The following SPTB variants were observed in gnomAD, a reference collection of about 807,000 sequenced individuals.
SPTB encodes spectrin beta chain, erythrocytic.
A neutral mutation model predicts 256.2 loss-of-function variants in SPTB; 45 were observed. The ratio of observed to expected loss-of-function variants is 0.18; its 90% CI spans 0.14 to 0.23. The LOEUF (loss-of-function observed/expected upper bound fraction) is 0.23, where lower values mean the gene tolerates loss of function less well. Among genes scored for constraint, SPTB ranks in the 10% least tolerant of loss-of-function variants. SPTB has a pLI of 1.00. For synonymous variants in SPTB, 1,231 were observed against 1,243.1 expected, an observed-to-expected ratio of 0.99 and a Z score of 0.21; for missense variants, 2,715 against 3,040.4, an observed-to-expected ratio of 0.89 and a Z score of 2.52.
At chr14:64,876,530 G>C (rs1219082906) in intron 1 of SPTB, among the ~76,000 whole-genome samples, 1 of 152,148 alleles carries the variant, frequency 6.6e-6, no homozygotes, top group Admixed American at 6.5e-5. Context: ...GTTAAAACAC[G>C]TATCTGACGG....
Position 64,753,797 on chromosome 14 carries a change from C to G in SPTB, c.6346-4G>C, listed in dbSNP as rs748553498. 2 of 1,612,558 alleles carry G rather than the reference C, an allele frequency of 1.2e-6. No homozygotes were observed. The highest frequency in any genetic ancestry group is 1.6e-4 in the Middle Eastern group (1 of 6,062). On this transcript the variant is annotated splice_polypyrimidine_tract_variant and splice_region_variant and intron_variant, in intron 32 of 35. Transcript: ENST00000644917. ...GCCACGTTCCCTCTTCTTCCCCCTG[C>G]TCAGGGCATAGGGAGGAGCACACCT...
At chr14:64,804,758 T>C (rs1464771722) in intron 3 of SPTB, among the ~76,000 whole-genome samples, 181 bp downstream of exon 3, 3 of 152,174 alleles carry the variant, frequency 2.0e-5, no homozygotes, top group Non-Finnish European at 4.4e-5. Context: ...CAAGAAGTTC[T>C]GGGAGGAATT....
intron 1 of SPTB, among the ~76,000 whole-genome samples, chr14:64,872,748 C>T (rs767312993): frequency 2.6e-5 from 4 of 152,136 alleles, no homozygotes; most frequent in Admixed American, 2.6e-4. Flanking sequence ...GGGAGGGACC[C>T]GGTGGGAGGT....
chr14:64,786,453 T>G lies in SPTB; in HGVS notation c.3512A>C (p.Gln1171Pro), dbSNP rs749833541. Residue 1171 changes from glutamine to proline, a missense_variant, in exon 16 of 36, where the codon CAG (glutamine) becomes CCG (proline). Physicochemically the swap from Gln to Pro is moderately conservative, Grantham distance 76. Transcript: ENST00000644917. This position sits in a 1 kb window ranked among gnomAD's most constrained non-coding sequence, Gnocchi z 5.6. ...SHTLAQCLGF[Q>P]EFQKDAKQAE... The stretch of plus-strand genomic sequence containing the variant: ...CTGCTTGGCATCTTTCTGGAACTCC[T>G]GGAAGCCAAGGCACTGAGCGAGGGT... 6.2e-7 allele frequency: 1 copy of G among 1,614,140 alleles called. No homozygotes were observed. The highest frequency in any genetic ancestry group is 8.5e-7 in the Non-Finnish European group (1 of 1,180,024).
chr14:64,797,923 C>T (rs989863670), intron 9 of SPTB, 77 bp from the exon 10 acceptor site: 1 of 977,826 alleles, frequency 1.0e-6, no homozygotes, highest in Non-Finnish European at 1.7e-6. Context: ...CAACACGGAA[C>T]TGTGGCATCT....
chr14:64,800,521 G>T (rs1411056409), intron 8 of SPTB, among the ~76,000 whole-genome samples: 3 of 152,224 alleles, frequency 2.0e-5, no homozygotes, highest in African/African-American at 7.2e-5. Context: ...GTCTCAGGTG[G>T]ACCAGGTGTT....
chr14:64,875,426 T>C (rs1412213240), intron 1 of SPTB, among the ~76,000 whole-genome samples: 2 of 152,228 alleles, frequency 1.3e-5, no homozygotes, highest in Non-Finnish European at 2.9e-5. Flanking sequence ...TCTAAATATT[T>C]ACCAAGGGGA....
At chr14:64,801,186 G>C in intron 7 of SPTB, 99 bp downstream of exon 7, 1 of 1,045,784 alleles carries the variant, frequency 9.6e-7, no homozygotes, top group Non-Finnish European at 1.4e-6. Context: ...CCCAGCACCT[G>C]GGCCGGCCTC....
chr14:64,765,684 G>A (rs941630165), intron 32 of SPTB, among the ~76,000 whole-genome samples: 4 of 152,234 alleles, frequency 2.6e-5, no homozygotes, highest in African/African-American at 9.7e-5. Flanking sequence ...AGGCCAGATC[G>A]GTGGAAAGAG....
intron 1 of SPTB, among the ~76,000 whole-genome samples, chr14:64,828,057 A>G (rs1295752175): frequency 6.6e-6 from 1 of 152,186 alleles, no homozygotes; most frequent in African/African-American, 2.4e-5. Context: ...TGCATCACTG[A>G]TGGACTATGG....
Position 64,793,711 on chromosome 14 carries a change from C to T in SPTB, c.1952G>A (p.Ser651Asn). 1 of 1,614,180 alleles carries T rather than the reference C, an allele frequency of 6.2e-7. No homozygotes were observed. Among genetic ancestry groups the T allele is most frequent in the East Asian group, 2.2e-5 (1 of 44,884 alleles). Reference sequence around the variant, plus strand: ...GATCTGCTCCTTCTCCTTGATCCAGCTCTCAGCCTCATCCATCTCCCAGAA... The same window carrying T: ...GATCTGCTCCTTCTCCTTGATCCAGTTCTCAGCCTCATCCATCTCCCAGAA... ...KFFWEMDEAESWIKEKEQIYS... is the reference protein window; with the variant it reads ...KFFWEMDEAENWIKEKEQIYS... Residue 651 changes from serine to asparagine, a missense_variant, in exon 14 of 36, where the codon AGC becomes AAC. This residue lies in a region of SPTB where 2,239 missense variants were observed against 2,384.4 expected (regional missense o/e 0.94). Coordinates refer to ENST00000644917, the MANE Select transcript of SPTB (RefSeq NM_001355436.2). This position sits in a 1 kb window ranked among gnomAD's most constrained non-coding sequence, Gnocchi z 7.0.
chr14:64,792,595 C>T lies in SPTB; in HGVS notation c.2666+402G>A, dbSNP rs960576107. ...TTTGCAAATTCTCTCTGTGGCCCCT[C>T]AGAGTCTCCTGGCTTAAGGACTGCC... is the stretch of plus-strand genomic sequence containing the variant. On this transcript the variant is annotated intron_variant, in intron 14 of 35. Transcript: ENST00000644917. The surrounding 1 kb of genome is among the most constrained non-coding windows in gnomAD (Gnocchi z 4.2). 2.0e-5 allele frequency among the ~76,000 whole-genome samples: 3 copies of T among 152,168 alleles called. No individual in the cohort carries two copies. The highest frequency in any genetic ancestry group is 7.2e-5 in the African/African-American group (3 of 41,436).
intron 1 of SPTB, among the ~76,000 whole-genome samples, chr14:64,849,108 T>C (rs1566801492): frequency 1.3e-5 from 2 of 152,374 alleles, no homozygotes; most frequent in Middle Eastern, 3.4e-3. Context: ...ATAGCCTTTA[T>C]TTATCCTCCT....
rs531180872 is a variant in SPTB at position 64,824,858 on chromosome 14, C to G, written c.-51-1713G>C. On this transcript the variant is annotated intron_variant, in intron 1 of 35. Coordinates refer to ENST00000644917, the MANE Select transcript of SPTB (RefSeq NM_001355436.2). The surrounding 1 kb of genome is among the most constrained non-coding windows in gnomAD (Gnocchi z 5.7). Reference sequence around the variant, plus strand: ...TCACTTCAGACTGCATTTTCCCCAACCTGATGAATCCATCCCACCACATCC... The same window carrying G: ...TCACTTCAGACTGCATTTTCCCCAAGCTGATGAATCCATCCCACCACATCC... 6.6e-6 allele frequency among the ~76,000 whole-genome samples: 1 copy of G among 152,166 alleles called. No individual in the cohort carries two copies. The highest frequency in any genetic ancestry group is 2.4e-5 in the African/African-American group (1 of 41,444).
chr14:64,840,708 C>G (rs2083592186), intron 1 of SPTB, among the ~76,000 whole-genome samples: 1 of 152,188 alleles, frequency 6.6e-6, no homozygotes, highest in African/African-American at 2.4e-5. Flanking sequence ...TTCACCATCC[C>G]CACACACTTA....
Position 64,826,139 on chromosome 14 carries a change from G to A in SPTB, c.-51-2994C>T, listed in dbSNP as rs1430937990. 1.3e-5 allele frequency among the ~76,000 whole-genome samples: 2 copies of A among 152,226 alleles called. No individual in the cohort carries two copies. The highest frequency in any genetic ancestry group is 1.9e-4 in the East Asian group (1 of 5,206). On this transcript the variant is annotated intron_variant, in intron 1 of 35. Coordinates refer to ENST00000644917, the MANE Select transcript of SPTB (RefSeq NM_001355436.2). The surrounding 1 kb of genome is among the most constrained non-coding windows in gnomAD (Gnocchi z 4.4). The stretch of plus-strand genomic sequence containing the variant: ...ATGGCATTCCATCAGAGTCAAGGGG[G>A]TCATGGGATGGGCCAGTGCATGCAG...
intron 2 of SPTB, 89 bp from the exon 3 acceptor site, chr14:64,805,179 G>T: frequency 7.5e-6 from 11 of 1,457,414 alleles, no homozygotes; most frequent in Non-Finnish European, 1.1e-5. Context: ...TAAGCCCAGG[G>T]TACCCCCATG....
intron 2 of SPTB, among the ~76,000 whole-genome samples, chr14:64,817,044 C>A (rs774550106): frequency 5.3e-5 from 8 of 152,180 alleles, no homozygotes; most frequent in Non-Finnish European, 8.8e-5. Flanking sequence ...AGCATCTTCA[C>A]AATGATAGAT....
Position 64,800,637 on chromosome 14 carries a change from G to T in SPTB, c.876+119C>A. The T allele has an allele frequency of 3.4e-6, 3 of 871,036 alleles. 1 individual carries two copies. The highest frequency in any genetic ancestry group is 2.8e-5 in the South Asian group (2 of 70,526). 54.0% of individuals were successfully genotyped at this position (871,036 alleles called of 1,614,324 possible). ...AATGTTGCCAAGGTCAGCTTTAGAG[G>T]AAGTTGGGGGGTGGGTGAGCTGTAC... is the stretch of plus-strand genomic sequence containing the variant. On this transcript the variant is annotated intron_variant, in intron 8 of 35. Transcript: ENST00000644917.
Sources: gnomAD v4.1 joint callset for allele counts (sites outside exome capture counted in the v4.1 genomes callset) on GRCh38, gnomAD v4.1.1 for gene constraint, gnomAD v4.1.1 regional missense constraint, Gnocchi (gnomAD v3.1) non-coding constraint, MANE v1.5 for transcripts, NCBI Gene and HGNC (gene_info 2026-07-23, HGNC 2026-07-21) for gene names.